ARHGEF33: variants seen among roughly 807,000 people sequenced by gnomAD.
The protein encoded by ARHGEF33 is DH and coiled-coil domain-containing protein ENSP00000381780.
Under a neutral mutation model 101.9 loss-of-function variants are expected in ARHGEF33, and 72 were observed. The ratio of observed to expected loss-of-function variants is 0.71; its 90% CI spans 0.58 to 0.86. The LOEUF (loss-of-function observed/expected upper bound fraction) is 0.86, where lower values mean the gene tolerates loss of function less well. ARHGEF33 is among the 40% of genes least tolerant of loss of function. The pLI is 0.00. For missense variants in ARHGEF33, 1,169 were observed against 1,111.3 expected (o/e 1.05, Z -0.74); for synonymous variants, 499 against 442.5 (o/e 1.13, Z -1.60).
At chr2:38,968,362 T>G (rs1558447507) in intron 17 of ARHGEF33, among the ~76,000 whole-genome samples, 1 of 152,216 alleles carries the variant, frequency 6.6e-6, no homozygotes, top group Non-Finnish European at 1.5e-5. Flanking sequence ...ATTTGCTTTA[T>G]CTGTAGTTTG....
chr2:38,962,789 C>T (rs543281756), intron 16 of ARHGEF33, among the ~76,000 whole-genome samples: 2 of 127,566 alleles, frequency 1.6e-5, no homozygotes, highest in East Asian at 2.4e-4. Context: ...CCGAGGTGGG[C>T]GGATCATGAG....
rs1425992274 is a variant in ARHGEF33, at chr2:38,944,016, T to C, written c.906T>C (p.Asn302=). The change falls in exon 10 of 18, where the codon AAT becomes AAC. Residue 302 remains asparagine (N), a synonymous_variant. Coordinates refer to ENST00000409978, the MANE Select transcript of ARHGEF33 (RefSeq NM_001145451.5). Reference sequence around the variant, plus strand: ...TCCAGGGGTCAGATGGAAAGAGGAATTCCAAAGAGAGAAGGTATCCATGCA... The same window carrying C: ...TCCAGGGGTCAGATGGAAAGAGGAACTCCAAAGAGAGAAGGTATCCATGCA... ...ATFQGSDGKR[N]SKERSLFPGS... 7 of 1,549,992 alleles carry C rather than the reference T, an allele frequency of 4.5e-6. No individual in the cohort carries two copies. The highest frequency in any genetic ancestry group is 6.1e-6 in the Non-Finnish European group (7 of 1,146,396).
At chr2:38,946,518 C>G (rs892990939) in intron 10 of ARHGEF33, among the ~76,000 whole-genome samples, 2 of 152,208 alleles carry the variant, frequency 1.3e-5, no homozygotes, top group African/African-American at 2.4e-5. Context: ...TGGTTCTGAG[C>G]TTGGTGGTAC....
At chr2:38,891,110 T>G (rs1015955678) in intron 1 of ARHGEF33, among the ~76,000 whole-genome samples, 1 of 152,044 alleles carries the variant, frequency 6.6e-6, no homozygotes, top group African/African-American at 2.4e-5. Context: ...ATTTTTGTAT[T>G]TTTTGTAGAG....
At chr2:38,892,404 T>C (rs927492862) in intron 1 of ARHGEF33, among the ~76,000 whole-genome samples, 2 of 110,824 alleles carry the variant, frequency 1.8e-5, no homozygotes, top group Admixed American at 1.9e-4. Flanking sequence ...AGATGATGCC[T>C]AAAGGTGGGT....
At chr2:38,904,317 G>A (rs542710699) in intron 2 of ARHGEF33, among the ~76,000 whole-genome samples, 2 of 152,288 alleles carry the variant, frequency 1.3e-5, no homozygotes, top group East Asian at 3.9e-4. Flanking sequence ...GAAGGCTGAG[G>A]CAGCTGGCAG....
At chr2:38,920,588 A>G (rs910446210) in intron 3 of ARHGEF33, among the ~76,000 whole-genome samples, 2 of 151,376 alleles carry the variant, frequency 1.3e-5, no homozygotes, top group Admixed American at 6.6e-5. Context: ...TTGTGTTTTT[A>G]GTAGAGACAG....
chr2:38,959,501 G>T, intron 15 of ARHGEF33: 1 of 227,388 alleles, frequency 4.4e-6, no homozygotes, highest in Non-Finnish European at 8.6e-6. Context: ...GACTCTGCTA[G>T]GGCAAGCAAG....
intron 9 of ARHGEF33, among the ~76,000 whole-genome samples, chr2:38,939,317 G>A (rs1031671971): frequency 6.6e-6 from 1 of 152,174 alleles, no homozygotes; most frequent in East Asian, 1.9e-4. Context: ...GTGGGGGGAT[G>A]TATGCCCTCA....
At chr2:38,949,643 C>G (rs1245759597) in intron 10 of ARHGEF33, among the ~76,000 whole-genome samples, 1 of 152,194 alleles carries the variant, frequency 6.6e-6, no homozygotes, top group Non-Finnish European at 1.5e-5. Context: ...CAGGGAGTAG[C>G]AAGCCAGGCC....
chr2:38,909,560 A>C (rs148025557), intron 2 of ARHGEF33, among the ~76,000 whole-genome samples: 1 of 150,960 alleles, frequency 6.6e-6, no homozygotes, highest in East Asian at 1.9e-4. Flanking sequence ...GCTGGTCTCA[A>C]ACTTCTGGGC....
intron 7 of ARHGEF33, 82 bp downstream of exon 7, chr2:38,931,333 C>T: frequency 8.0e-7 from 1 of 1,253,240 alleles, no homozygotes; most frequent in African/African-American, 1.5e-5. Context: ...AACCCTCCAT[C>T]TTTGTTAGAA....
intron 9 of ARHGEF33, among the ~76,000 whole-genome samples, chr2:38,943,484 T>G (rs967893370): frequency 6.6e-6 from 1 of 152,130 alleles, no homozygotes; most frequent in Non-Finnish European, 1.5e-5. Context: ...AAACCAGGGC[T>G]TCTCTAGTTT....
chr2:38,944,417 G>T (rs551401768), intron 10 of ARHGEF33, among the ~76,000 whole-genome samples: 2 of 152,196 alleles, frequency 1.3e-5, no homozygotes, highest in South Asian at 4.2e-4. Context: ...GGCCCCTTTT[G>T]TAGTGGCAAT....
chr2:38,903,701 C>G (rs544812528), intron 2 of ARHGEF33, among the ~76,000 whole-genome samples: 1 of 152,288 alleles, frequency 6.6e-6, no homozygotes, highest in East Asian at 1.9e-4. Context: ...TGCAGATCAT[C>G]CTATTTTATG....
At chr2:38,946,875 C>A (rs1558438346) in intron 10 of ARHGEF33, among the ~76,000 whole-genome samples, 1 of 152,174 alleles carries the variant, frequency 6.6e-6, no homozygotes, top group Non-Finnish European at 1.5e-5. Flanking sequence ...ATCTATCCAC[C>A]TCAGCCTCTC....
intron 2 of ARHGEF33, among the ~76,000 whole-genome samples, chr2:38,904,173 G>A (rs1158955445): frequency 1.3e-5 from 2 of 152,224 alleles, no homozygotes; most frequent in East Asian, 3.8e-4. Context: ...ATTGAAGGGG[G>A]AAAGTTCTAG....
At chr2:38,935,955 A>T in intron 8 of ARHGEF33, 121 bp downstream of exon 8, 1 of 826,740 alleles carries the variant, frequency 1.2e-6, no homozygotes, top group Non-Finnish European at 1.9e-6. Flanking sequence ...CAAAAGATAA[A>T]GTTATGAAGT....
chr2:38,969,471 C>T (rs972676967), intron 17 of ARHGEF33: 1 of 169,228 alleles, frequency 5.9e-6, no homozygotes, highest in Admixed American at 6.5e-5. Context: ...GGCATGGAGC[C>T]AGATGCAGCA....
Sources: allele counts gnomAD v4.1 joint callset (sites outside exome capture counted in the v4.1 genomes callset), GRCh38; gene constraint gnomAD v4.1.1; transcripts MANE v1.5; gene names NCBI Gene and HGNC (gene_info 2026-07-23, HGNC 2026-07-21).